The following SYTL2 variants were observed in gnomAD, a reference collection of about 807,000 sequenced individuals.
SYTL2 encodes the protein synaptotagmin like 2, also known as synaptotagmin-like protein 2.
Under a neutral mutation model 198.7 loss-of-function variants are expected in SYTL2, and 165 were observed. The ratio of observed to expected loss-of-function variants is 0.83; its 90% CI spans 0.73 to 0.94. The LOEUF is 0.94. Ranked by LOEUF, SYTL2 falls within the 40% of genes least tolerant of loss-of-function variation. The pLI is 0.00. For missense variants in SYTL2, 2,835 were observed against 2,582.8 expected (o/e 1.10, Z -2.12); for synonymous variants, 966 against 917.7 (o/e 1.05, Z -0.95).
chr11:85,832,748 T>G, the SYTL2 span, among the ~76,000 whole-genome samples: 1 of 148,638 alleles, frequency 6.7e-6, no homozygotes, highest in South Asian at 2.1e-4. Flanking sequence ...CTCAGCAGTT[T>G]GGGAGGATGA....
chr11:85,770,057 A>G (rs1310165621), intron 1 of SYTL2, among the ~76,000 whole-genome samples: 1 of 152,204 alleles, frequency 6.6e-6, no homozygotes, highest in East Asian at 1.9e-4. Context: ...GGCCACTCCC[A>G]GATTCATTAG....
At chr11:85,697,089 T>G (rs2083511715) in intron 18 of SYTL2, among the ~76,000 whole-genome samples, 2 of 152,202 alleles carry the variant, frequency 1.3e-5, no homozygotes, top group African/African-American at 4.8e-5. Context: ...ACTGACTTGG[T>G]CTTAGAATGA....
chr11:85,716,602 G>A (rs1424645380), intron 11 of SYTL2: 1 of 151,752 alleles, frequency 6.6e-6, no homozygotes, highest in Admixed American at 6.6e-5. Context: ...TTAAAATATT[G>A]TGGCCCTGAG....
chr11:85,783,302 AACTC>A lies in SYTL2; in HGVS notation c.-389-25192_-389-25189del, dbSNP rs556269829. Among the ~76,000 whole-genome samples the A allele has an allele frequency of 4.6e-5, 7 of 152,276 alleles. No homozygotes were observed. The East Asian group carries it at 1.2e-3, about 25-fold the overall frequency. On this transcript the variant is annotated intron_variant, in intron 1 of 19. Transcript: ENST00000359152. Reference sequence around the variant, plus strand: ...TTATAAAGCCATCAGATCTCGTGAGAACTCACTCACTATCACTAGAATAGCAGCA... The same window carrying A: ...TTATAAAGCCATCAGATCTCGTGAGAACTCACTATCACTAGAATAGCAGCA...
chr11:85,719,019 T>G (rs1490822717), intron 9 of SYTL2, 176 bp from the exon 10 acceptor site: 1 of 1,525,934 alleles, frequency 6.6e-7, no homozygotes, highest in Non-Finnish European at 8.8e-7. Context: ...CTTGAGCCAG[T>G]GCCATAGCGG....
intron 18 of SYTL2, among the ~76,000 whole-genome samples, chr11:85,697,511 A>G (rs184213579): frequency 2.2e-4 from 34 of 152,328 alleles, no homozygotes; most frequent in African/African-American, 7.9e-4. Context: ...TAAAAACCCA[A>G]ACTGTCTCAA....
At chr11:85,801,736 T>C (rs1336639895) in intron 1 of SYTL2, among the ~76,000 whole-genome samples, 2 of 152,010 alleles carry the variant, frequency 1.3e-5, no homozygotes, top group Non-Finnish European at 2.9e-5. Flanking sequence ...TCACCTTTGG[T>C]CTTTGGTGAA....
At chr11:85,825,695 A>G in the SYTL2 span, among the ~76,000 whole-genome samples, 1 of 152,226 alleles carries the variant, frequency 6.6e-6, no homozygotes. Context: ...GCACAAAAAT[A>G]TCAAGAAAAA....
intron 2 of SYTL2, among the ~76,000 whole-genome samples, chr11:85,751,986 T>A (rs2091540374): frequency 6.6e-6 from 1 of 152,162 alleles, no homozygotes; most frequent in South Asian, 2.1e-4. Context: ...GTGTGAGCAC[T>A]TACAGAGGAA....
At chr11:85,767,325 G>T (rs1054275239) in intron 1 of SYTL2, among the ~76,000 whole-genome samples, 1 of 152,144 alleles carries the variant, frequency 6.6e-6, no homozygotes, top group African/African-American at 2.4e-5. Context: ...CGTAAATAAG[G>T]ATTTGCAAAC....
At chr11:85,788,504 A>C (rs889775827) in intron 1 of SYTL2, among the ~76,000 whole-genome samples, 2 of 152,172 alleles carry the variant, frequency 1.3e-5, no homozygotes, top group Non-Finnish European at 2.9e-5. Flanking sequence ...AAATATACAC[A>C]AGTTGTGAAA....
At chr11:85,723,844 T>G (rs1365811842) in intron 8 of SYTL2, among the ~76,000 whole-genome samples, 188 bp downstream of exon 8, 2 of 126,298 alleles carry the variant, frequency 1.6e-5, no homozygotes, top group East Asian at 4.7e-4. Context: ...TTAAGAATTA[T>G]GTAATGCATT....
intron 4 of SYTL2, among the ~76,000 whole-genome samples, chr11:85,742,569 A>G (rs2090879230): frequency 6.6e-6 from 1 of 152,258 alleles, no homozygotes; most frequent in African/African-American, 2.4e-5. Context: ...TCACAATGAG[A>G]TAAGTACAGA....
chr11:85,760,762 C>T (rs952047813), intron 1 of SYTL2, among the ~76,000 whole-genome samples: 2 of 140,710 alleles, frequency 1.4e-5, no homozygotes, highest in African/African-American at 5.5e-5. Context: ...CAGAATACAA[C>T]CTAACAAGTG....
At chr11:85,766,217 G>T (rs1160244279) in intron 1 of SYTL2, among the ~76,000 whole-genome samples, 3 of 152,162 alleles carry the variant, frequency 2.0e-5, no homozygotes, top group Non-Finnish European at 4.4e-5. Context: ...TCAAGGGGGG[G>T]AGTTTGAACC....
At chr11:85,760,123 T>C in intron 1 of SYTL2, among the ~76,000 whole-genome samples, 1 of 152,222 alleles carries the variant, frequency 6.6e-6, no homozygotes, top group African/African-American at 2.4e-5. Context: ...CTTGTATTCC[T>C]GCCACATGCC....
chr11:85,731,970 T>G (rs2089874115), intron 7 of SYTL2, among the ~76,000 whole-genome samples: 1 of 152,222 alleles, frequency 6.6e-6, no homozygotes. Context: ...AAGATATTTA[T>G]GCAGCCAACA....
At chr11:85,851,089 G>A in the SYTL2 span, among the ~76,000 whole-genome samples, 1 of 151,746 alleles carries the variant, frequency 6.6e-6, no homozygotes, top group Admixed American at 6.6e-5. Flanking sequence ...TGACGAGTTA[G>A]TGGGTGCAGC....
chr11:85,735,633 T>C (rs979521320), intron 6 of SYTL2, among the ~76,000 whole-genome samples: 1 of 152,022 alleles, frequency 6.6e-6, no homozygotes, highest in Non-Finnish European at 1.5e-5. Flanking sequence ...AGAGCACGCC[T>C]GTAGTCCCAG....
Sources: gnomAD v4.1 joint callset for allele counts (sites outside exome capture counted in the v4.1 genomes callset) on GRCh38, gnomAD v4.1.1 for gene constraint, MANE v1.5 for transcripts, NCBI Gene and HGNC (gene_info 2026-07-23, HGNC 2026-07-21) for gene names.